TECTA: variants seen among roughly 807,000 people sequenced by gnomAD.
TECTA encodes tectorin alpha.
TECTA carries 128 observed loss-of-function variants against 216.8 expected under a neutral mutation model. The observed-to-expected ratio is 0.59, with a 90% confidence interval of 0.51 to 0.68. The LOEUF is 0.68. Ranked by LOEUF, TECTA falls within the 30% of genes least tolerant of loss-of-function variation. The probability of loss-of-function intolerance (pLI) is 0.00; values close to 1 mark genes in which losing one functional copy is unlikely to be tolerated. For synonymous variants in TECTA, 1,089 were observed against 1,117.1 expected, an observed-to-expected ratio of 0.97 and a Z score of 0.50; for missense variants, 2,551 against 2,786.2, an observed-to-expected ratio of 0.92 and a Z score of 1.90.
At chr11:121,177,482 G>A (rs1335929057) in intron 20 of TECTA, among the ~76,000 whole-genome samples, 1 of 152,226 alleles carries the variant, frequency 6.6e-6, no homozygotes, top group African/African-American at 2.4e-5. Context: ...GGTGGCTGCA[G>A]AACAGCAGAT....
intron 10 of TECTA, among the ~76,000 whole-genome samples, chr11:121,130,933 G>A (rs929157734): frequency 1.3e-5 from 2 of 150,016 alleles, no homozygotes; most frequent in African/African-American, 2.5e-5. Flanking sequence ...TTCCATCCCC[G>A]GCCGGGCATG....
chr11:121,104,345 A>T (rs1237534171), intron 2 of TECTA, among the ~76,000 whole-genome samples: 1 of 152,156 alleles, frequency 6.6e-6, no homozygotes, highest in African/African-American at 2.4e-5. Context: ...TTGTGACATT[A>T]AATACAGCTC....
rs1300740898 is a variant in TECTA, at chr11:121,165,368, C to T, written c.5368C>T (p.Pro1790Ser). ...GRELCGCIEP[P>S]PYGNNSHDII... ...GGAGCTGTGTGGCTGCATCGAGCCA[C>T]CCCCCTATGGAAATAGTGAGTGACA... is the stretch of plus-strand genomic sequence containing the variant. Residue 1790 changes from proline to serine, a missense_variant, in exon 17 of 24, where the codon CCC becomes TCC. Physicochemically the swap from Pro to Ser is moderately conservative, Grantham distance 74. Transcript: ENST00000392793. 6.3e-7 allele frequency: 1 copy of T among 1,591,626 alleles called. No individual in the cohort carries two copies. Among genetic ancestry groups the T allele is most frequent in the Admixed American group, 1.7e-5 (1 of 57,170 alleles).
At chr11:121,147,486 A>G (rs943373314) in intron 12 of TECTA, among the ~76,000 whole-genome samples, 4 of 152,146 alleles carry the variant, frequency 2.6e-5, no homozygotes, top group African/African-American at 7.2e-5. Context: ...CAGGGTGGGA[A>G]ATGGTGCCAG....
At position 121,160,420 on chromosome 11, in the gene TECTA, A is replaced by G. The variant is rs762976095; in HGVS notation, c.4975A>G (p.Arg1659Gly). Residue 1659 changes from arginine (R) to glycine (G), a missense_variant and splice_region_variant, in exon 15 of 24, where the codon AGA (arginine) becomes GGA (glycine). Arg to Gly is a moderately radical substitution (Grantham distance 125). This residue lies in a region of TECTA where 2,375 missense variants were observed against 2,563.9 expected (regional missense o/e 0.93). Transcript: ENST00000392793. Reference protein sequence around the residue: ...QSWKTNGMQKRPLAPSCNELQ... With the variant: ...QSWKTNGMQKGPLAPSCNELQ... ...CTGGAAAACCAATGGCATGCAGAAG[A>G]GGTGAGGGTGTAGGAGTTCAAGCCA... 17 of 1,609,634 alleles carry G rather than the reference A, an allele frequency of 1.1e-5. No homozygotes were observed. Among genetic ancestry groups the G allele is most frequent in the Non-Finnish European group, 1.4e-5 (16 of 1,179,804 alleles).
At chr11:121,163,865 C>T (rs1227102866) in intron 16 of TECTA, among the ~76,000 whole-genome samples, 2 of 152,184 alleles carry the variant, frequency 1.3e-5, no homozygotes, top group Non-Finnish European at 2.9e-5. Context: ...TCATAACTTT[C>T]GCTTGGTGGC....
chr11:121,153,093 A>G lies in TECTA; in HGVS notation c.4305+13A>G, dbSNP rs1946908464. 6.2e-7 allele frequency: 1 copy of G among 1,609,964 alleles called. No individual in the cohort carries two copies. The highest frequency in any genetic ancestry group is 8.5e-7 in the Non-Finnish European group (1 of 1,178,374). ...CAAATATTACGAGGTATGGGAGGCC[A>G]GCCCGGCCTTTTCCTCCTTGCCAAT... On this transcript the variant is annotated intron_variant, in intron 13 of 23. Coordinates refer to ENST00000392793, the MANE Select transcript of TECTA (RefSeq NM_005422.4).
At chr11:121,172,587 A>G (rs1947123136) in intron 20 of TECTA, among the ~76,000 whole-genome samples, 1 of 152,000 alleles carries the variant, frequency 6.6e-6, no homozygotes, top group East Asian at 1.9e-4. Context: ...CCAGTCTATC[A>G]TTGTTGGACA....
At chr11:121,109,654 A>C (rs1029612968) in intron 4 of TECTA, 156 bp downstream of exon 4, 1 of 857,714 alleles carries the variant, frequency 1.2e-6, no homozygotes, top group Non-Finnish European at 1.8e-6. Flanking sequence ...CAGGAAACAG[A>C]GGGAACTATC....
chr11:121,164,412 A>C (rs930876421), intron 16 of TECTA, among the ~76,000 whole-genome samples: 3 of 152,214 alleles, frequency 2.0e-5, no homozygotes, highest in Admixed American at 6.5e-5. Flanking sequence ...TGTGATGAAC[A>C]GGAGGAATAT....
chr11:121,129,794 T>A lies in TECTA; in HGVS notation c.2524T>A (p.Phe842Ile). 1 of 1,614,222 alleles carries A rather than the reference T, an allele frequency of 6.2e-7. No individual in the cohort carries two copies. Among genetic ancestry groups the A allele is most frequent in the Non-Finnish European group, 8.5e-7 (1 of 1,180,048 alleles). Residue 842 changes from phenylalanine to isoleucine, a missense_variant, in exon 10 of 24, where the codon TTC (phenylalanine) becomes ATC (isoleucine). This residue lies in a region of TECTA where 2,375 missense variants were observed against 2,563.9 expected (regional missense o/e 0.93). Transcript: ENST00000392793. Reference sequence around the variant, plus strand: ...GTACATCCGGCTGTCCACCACATACTTCAATTGCACAGGGGGCTTGTGCGG... The same window carrying A: ...GTACATCCGGCTGTCCACCACATACATCAATTGCACAGGGGGCTTGTGCGG... ...LLYIRLSTTY[F>I]NCTGGLCGFY...
rs533600007 is a variant in TECTA, at chr11:121,152,973, C to T, written c.4198C>T (p.His1400Tyr). The T allele has an allele frequency of 6.4e-5, 103 of 1,614,178 alleles. No homozygotes were observed. In the East Asian group the frequency reaches 2.2e-3, roughly 34 times the overall value. Residue 1400 changes from histidine (H) to tyrosine (Y), a missense_variant, in exon 13 of 24, where the codon CAC (histidine) becomes TAC (tyrosine). This residue lies in a region of TECTA where 2,375 missense variants were observed against 2,563.9 expected (regional missense o/e 0.93). Transcript: ENST00000392793. ...CATCCGCCTGAAGAGTGACTGCAGC[C>T]ACTACTGCGTGGAGGGCTGTCACTG... ...AAIRLKSDCS[H>Y]YCVEGCHCDA...
intron 20 of TECTA, among the ~76,000 whole-genome samples, chr11:121,182,242 G>A (rs1032725381): frequency 1.3e-5 from 2 of 151,868 alleles, no homozygotes; most frequent in African/African-American, 4.8e-5. Context: ...GGGTCCTCAG[G>A]CCCTAAGTGG....
chr11:121,168,296 G>A lies in TECTA; in HGVS notation c.5750+79G>A, dbSNP rs190753711. On this transcript the variant is annotated intron_variant, in intron 19 of 23. Transcript: ENST00000392793. ...GGTTAGCATAATCAAAATTGCTAGC[G>A]TTTGTCTTTGATGCCCTAGGAAAAA... is the stretch of plus-strand genomic sequence containing the variant. The A allele has an allele frequency of 3.3e-5, 52 of 1,574,966 alleles. No individual in the cohort carries two copies. The East Asian group carries it at 4.9e-4, about 15-fold the overall frequency.
rs901195022 is a variant in TECTA at position 121,190,873 on chromosome 11, G to A, written c.*67G>A. Reference sequence around the variant, plus strand: ...TTCAACACCCTGTAGGATAAAAAGTGTGTGCCCTTAAGTCAAAACCTATTT... The same window carrying A: ...TTCAACACCCTGTAGGATAAAAAGTATGTGCCCTTAAGTCAAAACCTATTT... On this transcript the variant is annotated 3_prime_UTR_variant, in exon 24 of 24. Coordinates refer to ENST00000392793, the MANE Select transcript of TECTA (RefSeq NM_005422.4). The A allele has an allele frequency of 3.2e-6, 4 of 1,244,710 alleles. No homozygotes were observed. Among genetic ancestry groups the A allele is most frequent in the Non-Finnish European group, 4.6e-6 (4 of 867,834 alleles). 77.1% of individuals were successfully genotyped at this position (1,244,710 alleles called of 1,614,324 possible).
intron 12 of TECTA, 71 bp downstream of exon 12, chr11:121,146,187 CAACTCCCTAGAAGT>C: frequency 6.4e-7 from 1 of 1,567,922 alleles, no homozygotes; most frequent in Non-Finnish European, 8.6e-7. Flanking sequence ...GCCAGTCTTC[CAACTCCCTAGAAGT>C]CAGAGCAAAT....
At chr11:121,124,170 C>T (rs2135075392) in intron 7 of TECTA, among the ~76,000 whole-genome samples, 1 of 152,298 alleles carries the variant, frequency 6.6e-6, no homozygotes, top group South Asian at 2.1e-4. Context: ...GTTGGTCTCC[C>T]CAGCTAAAAT....
intron 3 of TECTA, among the ~76,000 whole-genome samples, chr11:121,106,222 A>G (rs527702230): frequency 6.6e-6 from 1 of 152,298 alleles, no homozygotes; most frequent in South Asian, 2.1e-4. Context: ...CATAGAAGTG[A>G]AGCAGAAGCC....
chr11:121,139,689 C>CAA (rs58300066), intron 11 of TECTA, among the ~76,000 whole-genome samples: 39,594 of 141,678 alleles, frequency 0.28, 6,744 homozygotes, highest in African/African-American at 0.49. Flanking sequence ...GACTCTGTCT[C>CAA]AAAAAAAAAA....
Sources: gnomAD v4.1 joint callset for allele counts (sites outside exome capture counted in the v4.1 genomes callset) on GRCh38, gnomAD v4.1.1 for gene constraint, gnomAD v4.1.1 regional missense constraint, MANE v1.5 for transcripts, NCBI Gene and HGNC (gene_info 2026-07-23, HGNC 2026-07-21) for gene names.